The following SLC24A2 variants were observed in gnomAD, a reference collection of about 807,000 sequenced individuals.
The protein encoded by SLC24A2 is sodium/potassium/calcium exchanger 2.
A neutral mutation model predicts 62.0 loss-of-function variants in SLC24A2; 36 were observed. The observed-to-expected ratio is 0.58, with a 90% CI of 0.44 to 0.77. The LOEUF (loss-of-function observed/expected upper bound fraction) is 0.77. Ranked by LOEUF, SLC24A2 falls within the 30% of genes least tolerant of loss-of-function variation. The pLI is 0.00. For missense variants in SLC24A2, 846 were observed against 817.9 expected (o/e 1.03, Z -0.42); for synonymous variants, 358 against 294.0 (o/e 1.22, Z -2.23).
the SLC24A2 span, among the ~76,000 whole-genome samples, chr9:19,924,094 A>T: frequency 6.6e-6 from 1 of 152,200 alleles, no homozygotes; most frequent in Non-Finnish European, 1.5e-5. Flanking sequence ...TCACTCCGTT[A>T]TGCCACCGTC....
chr9:19,876,928 G>A, the SLC24A2 span, among the ~76,000 whole-genome samples: 2 of 152,014 alleles, frequency 1.3e-5, no homozygotes, highest in East Asian at 1.9e-4. Flanking sequence ...TTTTGAGAAG[G>A]ACTATTTTCT....
At chr9:19,597,400 T>C in intron 4 of SLC24A2, 121 bp from the exon 5 acceptor site, 1 of 745,614 alleles carries the variant, frequency 1.3e-6, no homozygotes, top group Non-Finnish European at 2.4e-6. Flanking sequence ...CAATCGTAAC[T>C]ATATGGAGAT....
At chr9:19,706,943 T>A (rs1750126716) in intron 2 of SLC24A2, among the ~76,000 whole-genome samples, 1 of 151,714 alleles carries the variant, frequency 6.6e-6, no homozygotes, top group Non-Finnish European at 1.5e-5. Context: ...CAAAAAACCC[T>A]TCAAAAAATT....
At chr9:19,561,003 G>A (rs1264762986) in intron 7 of SLC24A2, among the ~76,000 whole-genome samples, 1 of 151,740 alleles carries the variant, frequency 6.6e-6, no homozygotes, top group East Asian at 1.9e-4. Flanking sequence ...TTGGCTCACT[G>A]CAACCTCCGC....
Position 19,511,611 on chromosome 9 carries a change from G to A in SLC24A2, c.*4542C>T, listed in dbSNP as rs981317182. ...CCTAATAATTGAAGACAGTATTGTTGAGACAGGTATAGGGGTTGAGGAGGT... is the reference window on the plus strand; with the variant it reads ...CCTAATAATTGAAGACAGTATTGTTAAGACAGGTATAGGGGTTGAGGAGGT... On this transcript the variant is annotated 3_prime_UTR_variant, in exon 11 of 11. Coordinates refer to ENST00000341998, the MANE Select transcript of SLC24A2 (RefSeq NM_020344.4). 4 of 152,102 alleles carry A rather than the reference G, an allele frequency of 2.6e-5. No homozygotes were observed. The highest frequency in any genetic ancestry group is 9.7e-5 in the African/African-American group (4 of 41,380). 9.4% of individuals were successfully genotyped at this position (152,102 alleles called of 1,614,324 possible).
chr9:19,711,901 A>C (rs993948648), intron 2 of SLC24A2, among the ~76,000 whole-genome samples: 1 of 152,198 alleles, frequency 6.6e-6, no homozygotes, highest in Admixed American at 6.5e-5. Flanking sequence ...GCAAGTTGCC[A>C]ACCCAAAAGG....
chr9:19,777,161 G>T (rs1368876862), intron 2 of SLC24A2, among the ~76,000 whole-genome samples: 9 of 152,190 alleles, frequency 5.9e-5, no homozygotes, highest in Non-Finnish European at 1.2e-4. Flanking sequence ...AGATCTTTGT[G>T]TGAGTCATCA....
At chr9:20,168,993 T>C in the SLC24A2 span, among the ~76,000 whole-genome samples, 4 of 152,110 alleles carry the variant, frequency 2.6e-5, no homozygotes, top group African/African-American at 9.6e-5. Flanking sequence ...GTGTGGTATA[T>C]ACACACAATG....
chr9:19,602,146 G>T (rs543105180), intron 4 of SLC24A2, among the ~76,000 whole-genome samples: 2 of 152,192 alleles, frequency 1.3e-5, no homozygotes, highest in African/African-American at 4.8e-5. Context: ...TGACTTTGTA[G>T]TAAGATAGCC....
chr9:19,559,855 T>C (rs532430993), intron 7 of SLC24A2, among the ~76,000 whole-genome samples: 1 of 152,302 alleles, frequency 6.6e-6, no homozygotes, highest in South Asian at 2.1e-4. Flanking sequence ...ATGACCTTCC[T>C]TATGTCAATG....
At chr9:19,873,851 CCAAATCAT>C in the SLC24A2 span, among the ~76,000 whole-genome samples, 1 of 152,090 alleles carries the variant, frequency 6.6e-6, no homozygotes, top group Non-Finnish European at 1.5e-5. Flanking sequence ...CCCCAAATCA[CCAAATCAT>C]CACGTCTCAA....
chr9:20,258,846 T>C, the SLC24A2 span, among the ~76,000 whole-genome samples: 1 of 142,100 alleles, frequency 7.0e-6, no homozygotes, highest in Non-Finnish European at 1.5e-5. Context: ...TCTATCTATC[T>C]ATCTATCTAA....
chr9:20,173,795 A>G, the SLC24A2 span, among the ~76,000 whole-genome samples: 56,441 of 151,814 alleles, frequency 0.37, 11,791 homozygotes, highest in East Asian at 0.73. Context: ...TATAAGTTCA[A>G]TGCAATTCCC....
intron 2 of SLC24A2, among the ~76,000 whole-genome samples, chr9:19,753,175 G>A (rs750486712): frequency 1.3e-5 from 2 of 152,172 alleles, no homozygotes; most frequent in Non-Finnish European, 2.9e-5. Flanking sequence ...GACCACTGCT[G>A]GCTCCTCCAA....
At chr9:20,168,183 G>T in the SLC24A2 span, among the ~76,000 whole-genome samples, 3 of 151,920 alleles carry the variant, frequency 2.0e-5, no homozygotes, top group East Asian at 1.9e-4. Flanking sequence ...TAGTTATAGA[G>T]GATTGAAAGA....
At chr9:19,533,512 T>C (rs1833806052) in intron 8 of SLC24A2, among the ~76,000 whole-genome samples, 2 of 152,190 alleles carry the variant, frequency 1.3e-5, no homozygotes, top group Non-Finnish European at 2.9e-5. Context: ...TCAAACTAGA[T>C]CTCAAGAGGG....
chr9:20,165,008 T>A, the SLC24A2 span, among the ~76,000 whole-genome samples: 71 of 137,488 alleles, frequency 5.2e-4, no homozygotes, highest in Non-Finnish European at 1.1e-4. Flanking sequence ...GGGGGAGGGA[T>A]AGCTTTAGGA....
the SLC24A2 span, among the ~76,000 whole-genome samples, chr9:19,930,641 T>C: frequency 1.3e-5 from 2 of 152,170 alleles, no homozygotes; most frequent in Admixed American, 1.3e-4. Context: ...ATGGATGCTG[T>C]TGGGGAGGGG....
chr9:19,738,150 C>A (rs1821565069), intron 2 of SLC24A2, among the ~76,000 whole-genome samples: 1 of 152,122 alleles, frequency 6.6e-6, no homozygotes, highest in African/African-American at 2.4e-5. Context: ...GTCATGCTAT[C>A]TAGGAGGATA....
Sources: gnomAD v4.1 joint callset for allele counts (sites outside exome capture counted in the v4.1 genomes callset) on GRCh38, gnomAD v4.1.1 for gene constraint, MANE v1.5 for transcripts, NCBI Gene and HGNC (gene_info 2026-07-23, HGNC 2026-07-21) for gene names.